The following FAM168A variants were observed in gnomAD, a reference collection of about 807,000 sequenced individuals.
FAM168A encodes the protein family with sequence similarity 168 member A.
In FAM168A, 3 loss-of-function variants were observed where a neutral mutation model predicts 28.5. The observed-to-expected ratio is 0.11, with a 90% CI of 0.05 to 0.27. FAM168A has a LOEUF of 0.27. Ranked by LOEUF, FAM168A falls within the 10% of genes least tolerant of loss-of-function variation. The pLI is 1.00. For synonymous variants in FAM168A, 122 were observed against 124.2 expected (o/e 0.98, Z 0.12); for missense variants, 222 against 311.5 (o/e 0.71, Z 2.16).
At position 73,419,914 on chromosome 11, in the gene FAM168A, C is replaced by A; in HGVS notation, c.237G>T (p.Gly79=). 1.2e-6 allele frequency: 2 copies of A among 1,614,030 alleles called. No individual in the cohort carries two copies. The highest frequency in any genetic ancestry group is 2.2e-5 in the South Asian group (2 of 91,070). ...EGTFHLPVDT[G]TENRTYQASS... is the part of the protein sequence containing the mutation. ...ATGCTTGGTAAGTTCGGTTCTCGGT[C>A]CCGGTGTCCACTGGGAGGTGGAAGG... The change falls in exon 4 of 8, where the codon GGG becomes GGT. Residue 79 remains glycine (G), a synonymous_variant. Coordinates refer to ENST00000356467, the MANE Select transcript of FAM168A (RefSeq NM_015159.3).
intron 1 of FAM168A, among the ~76,000 whole-genome samples, chr11:73,506,660 G>C (rs759536928): frequency 1.3e-5 from 2 of 152,086 alleles, no homozygotes; most frequent in Non-Finnish European, 2.9e-5. Flanking sequence ...ATTCTTTAAA[G>C]GTCCTCCATC....
intron 5 of FAM168A, among the ~76,000 whole-genome samples, chr11:73,410,854 ATCT>A (rs1211023956): frequency 6.6e-6 from 1 of 152,214 alleles, no homozygotes; most frequent in African/African-American, 2.4e-5. Context: ...GAATGCATAC[ATCT>A]TCTAGCTGAA....
chr11:73,409,754 C>T, intron 5 of FAM168A, 93 bp from the exon 6 acceptor site: 1 of 1,311,440 alleles, frequency 7.6e-7, no homozygotes, highest in Non-Finnish European at 1.1e-6. Flanking sequence ...AGGTCCGGAC[C>T]CCAGCTGGGG....
Position 73,404,068 on chromosome 11 carries a change from A to G in FAM168A, c.*2695T>C, listed in dbSNP as rs1341738520. On this transcript the variant is annotated 3_prime_UTR_variant, in exon 8 of 8. Coordinates refer to ENST00000356467, the MANE Select transcript of FAM168A (RefSeq NM_015159.3). ...GATTTCCTTATGGATCAAATAGGAG[A>G]AATAACCTCTATTTCATCGGGTTAA... The G allele has an allele frequency of 4.6e-5, 7 of 152,342 alleles. No homozygotes were observed. The highest frequency in any genetic ancestry group is 8.8e-5 in the Non-Finnish European group (6 of 68,024). The allele number at this position is 152,342 out of a possible 1,614,324, so 9.4% of individuals were successfully genotyped here.
intron 2 of FAM168A, among the ~76,000 whole-genome samples, chr11:73,448,334 C>A (rs1229444365): frequency 6.6e-6 from 1 of 152,240 alleles, no homozygotes; most frequent in Non-Finnish European, 1.5e-5. Context: ...GTGTGAGCCA[C>A]CACGCCCAGC....
At chr11:73,577,682 T>C (rs545562820) in intron 1 of FAM168A, among the ~76,000 whole-genome samples, 3 of 152,276 alleles carry the variant, frequency 2.0e-5, no homozygotes, top group Admixed American at 2.0e-4. Flanking sequence ...ATTTTATGAT[T>C]TGCCCAAGGC....
intron 1 of FAM168A, among the ~76,000 whole-genome samples, chr11:73,587,657 C>CA (rs1415522723): frequency 6.6e-6 from 1 of 151,604 alleles, no homozygotes; most frequent in Non-Finnish European, 1.5e-5. Flanking sequence ...AACTCCATCT[C>CA]AAAAAAAAGT....
At chr11:73,597,497 C>T (rs1391437144) in intron 1 of FAM168A, among the ~76,000 whole-genome samples, 1 of 151,976 alleles carries the variant, frequency 6.6e-6, no homozygotes, top group Non-Finnish European at 1.5e-5. Flanking sequence ...CATTCCCCTG[C>T]CCCTCACCCC....
chr11:73,573,975 G>T (rs1944140424), intron 1 of FAM168A, among the ~76,000 whole-genome samples: 1 of 151,332 alleles, frequency 6.6e-6, no homozygotes, highest in African/African-American at 2.4e-5. Flanking sequence ...GGGCAGGGGT[G>T]GGGGCAGGGC....
At chr11:73,441,848 T>A (rs969024726) in intron 2 of FAM168A, among the ~76,000 whole-genome samples, 6 of 152,216 alleles carry the variant, frequency 3.9e-5, no homozygotes, top group Non-Finnish European at 8.8e-5. Context: ...TAAAAGTCTG[T>A]AGTAATGTCC....
intron 1 of FAM168A, among the ~76,000 whole-genome samples, chr11:73,561,978 T>C (rs1340365816): frequency 6.6e-6 from 1 of 152,046 alleles, no homozygotes; most frequent in East Asian, 1.9e-4. Flanking sequence ...AGTCTCACTC[T>C]GTAGCCCAGG....
chr11:73,541,405 C>T lies in FAM168A; in HGVS notation c.-19+56518G>A, dbSNP rs1248986009. The stretch of plus-strand genomic sequence containing the variant: ...TTTTTTTCTTTGAGACAGAGTCTCA[C>T]TCTGTCATCCAGGCTGGAGTGCAGT... On this transcript the variant is annotated intron_variant, in intron 1 of 7. Coordinates refer to ENST00000356467, the MANE Select transcript of FAM168A (RefSeq NM_015159.3). 5.3e-5 allele frequency among the ~76,000 whole-genome samples: 8 copies of T among 150,778 alleles called. No homozygotes were observed. In the East Asian group the frequency reaches 1.6e-3, roughly 30 times the overall value.
chr11:73,487,037 G>A (rs1433441284), intron 1 of FAM168A, among the ~76,000 whole-genome samples: 7 of 152,088 alleles, frequency 4.6e-5, no homozygotes, highest in Admixed American at 1.3e-4. Flanking sequence ...AATAAAATAC[G>A]AATGATCTTA....
Position 73,401,982 on chromosome 11 carries a change from G to GC in FAM168A, c.*4780dup, listed in dbSNP as rs757038612. On this transcript the variant is annotated 3_prime_UTR_variant, in exon 8 of 8. Coordinates refer to ENST00000356467, the MANE Select transcript of FAM168A (RefSeq NM_015159.3). ...GGCAGATAAGTAAAGGACAAACCCT[G>GC]CAGCCCCCTTGGCATGCCTGCCTGT... 3.3e-5 allele frequency: 5 copies of GC among 152,262 alleles called. No individual in the cohort carries two copies. The highest frequency in any genetic ancestry group is 7.3e-5 in the Non-Finnish European group (5 of 68,058). The allele number at this position is 152,262 out of a possible 1,614,324, so 9.4% of individuals were successfully genotyped here. A position where few individuals can be genotyped will look rare whatever the true frequency, so the allele number is the denominator to read the frequency against.
intron 1 of FAM168A, among the ~76,000 whole-genome samples, chr11:73,535,696 G>A (rs1188990229): frequency 6.7e-6 from 1 of 150,336 alleles, no homozygotes; most frequent in Non-Finnish European, 1.5e-5. Flanking sequence ...TGGGATTACA[G>A]GCGTGAGCCA....
At chr11:73,457,630 C>T (rs1867559220) in intron 2 of FAM168A, among the ~76,000 whole-genome samples, 1 of 143,202 alleles carries the variant, frequency 7.0e-6, no homozygotes, top group Admixed American at 7.4e-5. Flanking sequence ...AATCTCAGCA[C>T]TTTGGGAGGC....
chr11:73,548,396 T>C (rs1232130849), intron 1 of FAM168A, among the ~76,000 whole-genome samples: 3 of 152,200 alleles, frequency 2.0e-5, no homozygotes, highest in Non-Finnish European at 1.5e-5. Flanking sequence ...AGGTGGGGAC[T>C]ATTATGACCT....
intron 1 of FAM168A, among the ~76,000 whole-genome samples, chr11:73,497,851 T>C (rs566475679): frequency 6.6e-6 from 1 of 152,086 alleles, no homozygotes; most frequent in Admixed American, 6.5e-5. Flanking sequence ...TGTATACATA[T>C]GTAACAAACC....
At chr11:73,419,773 A>G in intron 4 of FAM168A, 101 bp downstream of exon 4, 1 of 1,434,346 alleles carries the variant, frequency 7.0e-7, no homozygotes, top group Admixed American at 2.1e-5. Context: ...AACATTATTT[A>G]TCTCATAAAT....
Sources: gnomAD v4.1 joint callset for allele counts (sites outside exome capture counted in the v4.1 genomes callset) on GRCh38, gnomAD v4.1.1 for gene constraint, MANE v1.5 for transcripts, NCBI Gene and HGNC (gene_info 2026-07-23, HGNC 2026-07-21) for gene names.